ENAM: variants seen among roughly 807,000 people sequenced by gnomAD.
ENAM encodes amelogenesis imperfecta 2, hypocalcification (autosomal dominant).
ENAM carries 21 observed loss-of-function variants against 33.6 expected under a neutral mutation model. The ratio of observed to expected loss-of-function variants is 0.63; its 90% confidence interval spans 0.44 to 0.90. The LOEUF (loss-of-function observed/expected upper bound fraction) is 0.90, where lower values mean the gene tolerates loss of function less well. Among genes scored for constraint, ENAM ranks in the 40% least tolerant of loss-of-function variants. ENAM has a pLI of 0.00. For missense variants in ENAM, 1,388 were observed against 1,366.9 expected, an observed-to-expected ratio of 1.02 and a Z score of -0.24; for synonymous variants, 473 against 468.4, an observed-to-expected ratio of 1.01 and a Z score of -0.13.
intron 8 of ENAM, among the ~76,000 whole-genome samples, chr4:70,640,903 A>G (rs1738578772): frequency 6.6e-6 from 1 of 152,190 alleles, no homozygotes; most frequent in Non-Finnish European, 1.5e-5. Context: ...CCAAATTTCC[A>G]TATACCCACT....
At chr4:70,636,694 A>G (rs549719145) in intron 7 of ENAM, among the ~76,000 whole-genome samples, 56 of 152,146 alleles carry the variant, frequency 3.7e-4, no homozygotes, top group African/African-American at 1.2e-3. Flanking sequence ...ACTTGAACCC[A>G]GGAAGCAGAG....
rs915670247 is a variant in ENAM, at chr4:70,646,720, C to T, written c.*1865C>T. 1 of 152,128 alleles carries T rather than the reference C, an allele frequency of 6.6e-6. No individual in the cohort carries two copies. Among genetic ancestry groups the T allele is most frequent in the Non-Finnish European group, 1.5e-5 (1 of 68,032 alleles). 9.4% of individuals were successfully genotyped at this position (152,128 alleles called of 1,614,324 possible). A position where few individuals can be genotyped will look rare whatever the true frequency, so the allele number is the denominator to read the frequency against. Reference sequence around the variant, plus strand: ...CTGCTTACATTCCCCTCCCCCTGGCCAGTTTTATATTTTAATCACACATTG... The same window carrying T: ...CTGCTTACATTCCCCTCCCCCTGGCTAGTTTTATATTTTAATCACACATTG... On this transcript the variant is annotated 3_prime_UTR_variant, in exon 9 of 9. Coordinates refer to ENST00000396073, the MANE Select transcript of ENAM (RefSeq NM_031889.3).
intron 8 of ENAM, among the ~76,000 whole-genome samples, chr4:70,641,201 A>G (rs1738588964): frequency 6.6e-6 from 1 of 152,154 alleles, no homozygotes; most frequent in African/African-American, 2.4e-5. Flanking sequence ...TTCTGGGTGC[A>G]TTCAGTTGGA....
At chr4:70,637,749 C>G (rs774028853) in intron 7 of ENAM, 41 bp from the exon 8 acceptor site, 1 of 1,507,932 alleles carries the variant, frequency 6.6e-7, no homozygotes, top group Admixed American at 1.7e-5. Context: ...CGGCATCGAA[C>G]GTGGTTTTCT....
At position 70,642,121 on chromosome 4, in the gene ENAM, C is replaced by G. The variant is rs1342610411; in HGVS notation, c.695C>G (p.Pro232Arg). ...TTTGAAAAACCCAAAGAAGAAGATCCTCCTAAAGCAGAAAGTCCAGGCACA... is the reference window on the plus strand; with the variant it reads ...TTTGAAAAACCCAAAGAAGAAGATCGTCCTAAAGCAGAAAGTCCAGGCACA... Reference protein sequence around the residue: ...QDFEKPKEEDPPKAESPGTEP... With the variant: ...QDFEKPKEEDRPKAESPGTEP... Residue 232 changes from proline (P) to arginine (R), a missense_variant, in exon 9 of 9, where the codon CCT (proline) becomes CGT (arginine). By Grantham distance (103) the Pro-to-Arg change is moderately radical. Coordinates refer to ENST00000396073, the MANE Select transcript of ENAM (RefSeq NM_031889.3). The G allele has an allele frequency of 6.2e-7, 1 of 1,613,970 alleles. No homozygotes were observed. Among genetic ancestry groups the G allele is most frequent in the Non-Finnish European group, 8.5e-7 (1 of 1,179,892 alleles).
Position 70,643,388 on chromosome 4 carries a change from G to T in ENAM, c.1962G>T (p.Glu654Asp). ...DQKEIVPYNE[E>D]DPVDPTGDEV... Reference sequence around the variant, plus strand: ...AGGAGATAGTCCCTTATAATGAAGAGGACCCAGTTGATCCAACTGGAGATG... The same window carrying T: ...AGGAGATAGTCCCTTATAATGAAGATGACCCAGTTGATCCAACTGGAGATG... Residue 654 changes from glutamate to aspartate, a missense_variant, in exon 9 of 9, where the codon GAG (glutamate) becomes GAT (aspartate). By Grantham distance (45) the Glu-to-Asp change is conservative. Coordinates refer to ENST00000396073, the MANE Select transcript of ENAM (RefSeq NM_031889.3). 6 of 1,614,038 alleles carry T rather than the reference G, an allele frequency of 3.7e-6. No homozygotes were observed. Among genetic ancestry groups the T allele is most frequent in the African/African-American group, 1.3e-5 (1 of 75,020 alleles).
rs374415387 is a variant in ENAM at position 70,637,744 on chromosome 4, T to A, written c.535-46T>A. 172 of 1,454,710 alleles carry A rather than the reference T, an allele frequency of 1.2e-4. 1 individual carries two copies. Among genetic ancestry groups the A allele is most frequent in the Non-Finnish European group, 1.9e-5 (20 of 1,034,346 alleles). 90.1% of individuals were successfully genotyped at this position (1,454,710 alleles called of 1,614,324 possible). A position where few individuals can be genotyped will look rare whatever the true frequency, so the allele number is the denominator to read the frequency against. On this transcript the variant is annotated intron_variant, in intron 7 of 8. Coordinates refer to ENST00000396073, the MANE Select transcript of ENAM (RefSeq NM_031889.3). Reference sequence around the variant, plus strand: ...TGAGTCTTACAAACAAATGGCGGCATCGAACGTGGTTTTCTCCTGTGTTCA... The same window carrying A: ...TGAGTCTTACAAACAAATGGCGGCAACGAACGTGGTTTTCTCCTGTGTTCA...
At chr4:70,636,544 G>A (rs1168407810) in intron 7 of ENAM, among the ~76,000 whole-genome samples, 4 of 151,922 alleles carry the variant, frequency 2.6e-5, no homozygotes, top group African/African-American at 7.3e-5. Context: ...CGAGGCAGGC[G>A]GATCACCTGA....
Position 70,630,187 on chromosome 4 carries a change from A to G in ENAM, c.54+633A>G, listed in dbSNP as rs570804276. ...TCCTTTGTTTAATTACATTCTGCCA[A>G]TTTTTCTAATGTATGAAAGATAACT... On this transcript the variant is annotated intron_variant, in intron 2 of 8. Transcript: ENST00000396073. Among the ~76,000 whole-genome samples the G allele has an allele frequency of 3.3e-5, 5 of 152,280 alleles. No individual in the cohort carries two copies. In the South Asian group the frequency reaches 6.2e-4, roughly 19 times the overall value.
intron 6 of ENAM, among the ~76,000 whole-genome samples, chr4:70,635,378 A>G (rs908893445): frequency 6.6e-6 from 1 of 152,162 alleles, no homozygotes; most frequent in Non-Finnish European, 1.5e-5. Context: ...CTCTGTCTCA[A>G]AAAAATAAAA....
At position 70,643,997 on chromosome 4, in the gene ENAM, A is replaced by G. The variant is rs1031118238; in HGVS notation, c.2571A>G (p.Pro857=). The G allele has an allele frequency of 1.9e-6, 3 of 1,614,194 alleles. No individual in the cohort carries two copies. The highest frequency in any genetic ancestry group is 2.5e-6 in the Non-Finnish European group (3 of 1,180,012). ...SFPNFIPPSY[P]SGQKEAHLFH... is the part of the protein sequence containing the mutation. ...CTAACTTCATCCCACCAAGTTACCC[A>G]TCAGGTCAAAAAGAAGCACATTTAT... is the stretch of plus-strand genomic sequence containing the variant. Residue 857 remains proline, a synonymous_variant, in exon 9 of 9, where the codon CCA becomes CCG. Coordinates refer to ENST00000396073, the MANE Select transcript of ENAM (RefSeq NM_031889.3).
chr4:70,635,942 T>C (rs781400561), intron 7 of ENAM, 48 bp downstream of exon 7: 1 of 971,242 alleles, frequency 1.0e-6, no homozygotes. Flanking sequence ...ATAATATTAG[T>C]ATGTTATAAT....
chr4:70,637,691 C>A, intron 7 of ENAM, 99 bp from the exon 8 acceptor site: 1 of 881,400 alleles, frequency 1.1e-6, no homozygotes, highest in Non-Finnish European at 2.0e-6. Context: ...TGAGCTCAAT[C>A]ATTGACTTGA....
In ENAM at chr4:70,643,355, A is replaced by T; in HGVS notation, c.1929A>T (p.Pro643=). 6.2e-7 allele frequency: 1 copy of T among 1,614,102 alleles called. No homozygotes were observed. Among genetic ancestry groups the T allele is most frequent in the South Asian group, 1.1e-5 (1 of 91,068 alleles). The part of the protein sequence containing the change: ...KESPLYPINT[P]DQKEIVPYNE... ...GTCCACTCTACCCCATAAATACCCC[A>T]GACCAGAAGGAGATAGTCCCTTATA... Residue 643 remains proline, a synonymous_variant, in exon 9 of 9, where the codon CCA becomes CCT. Transcript: ENST00000396073.
intron 8 of ENAM, 131 bp downstream of exon 8, chr4:70,637,974 A>G: frequency 1.3e-6 from 1 of 750,228 alleles, no homozygotes; most frequent in South Asian, 1.6e-5. Flanking sequence ...TGATTTTTAG[A>G]AAATAAAAAA....
At chr4:70,631,787 C>A (rs780529745) in intron 3 of ENAM, 49 bp downstream of exon 3, 6 of 1,607,224 alleles carry the variant, frequency 3.7e-6, no homozygotes, top group Non-Finnish European at 3.4e-6. Context: ...CCGTTAGGAA[C>A]AATTGTTGAG....
chr4:70,643,648 T>G lies in ENAM; in HGVS notation c.2222T>G (p.Ile741Arg). ...YNTASTMPPP[I>R]ESRGYYVNNA... ...ACAGCTTCTACTATGCCACCACCTA[T>G]AGAGAGCAGGGGCTACTACGTTAAT... The change falls in exon 9 of 9, where the codon ATA becomes AGA. Residue 741 changes from isoleucine to arginine, a missense_variant. Physicochemically the swap from Ile to Arg is moderately conservative, Grantham distance 97. Transcript: ENST00000396073. 1 of 1,614,022 alleles carries G rather than the reference T, an allele frequency of 6.2e-7. No individual in the cohort carries two copies. The highest frequency in any genetic ancestry group is 1.1e-5 in the South Asian group (1 of 91,080).
chr4:70,641,984 C>G, intron 8 of ENAM, 31 bp from the exon 9 acceptor site: 1 of 1,517,500 alleles, frequency 6.6e-7, no homozygotes, highest in South Asian at 1.1e-5. Flanking sequence ...AAACAAAGGG[C>G]AATTATTGAT....
chr4:70,632,378 T>A (rs1485359627), intron 4 of ENAM, among the ~76,000 whole-genome samples: 1 of 152,128 alleles, frequency 6.6e-6, no homozygotes, highest in Non-Finnish European at 1.5e-5. Context: ...TAGATCAGAC[T>A]TTTATTTTCT....
Sources: allele counts gnomAD v4.1 joint callset (sites outside exome capture counted in the v4.1 genomes callset), GRCh38; gene constraint gnomAD v4.1.1; transcripts MANE v1.5; gene names NCBI Gene and HGNC (gene_info 2026-07-23, HGNC 2026-07-21).